FUT9: variants seen among roughly 807,000 people sequenced by gnomAD.
The protein encoded by FUT9 is fucosyltransferase 9, also known as 4-galactosyl-N-acetylglucosaminide 3-alpha-L-fucosyltransferase 9.
A neutral mutation model predicts 29.7 loss-of-function variants in FUT9; 15 were observed. The ratio of observed to expected loss-of-function variants is 0.51; its 90% confidence interval spans 0.34 to 0.78. The LOEUF (loss-of-function observed/expected upper bound fraction) is 0.78, where lower values mean the gene tolerates loss of function less well. Among genes scored for constraint, FUT9 ranks in the 30% least tolerant of loss-of-function variants. The pLI is 0.01. For missense variants in FUT9, 319 were observed against 425.4 expected (o/e 0.75, Z 2.20); for synonymous variants, 169 against 153.7 (o/e 1.10, Z -0.74).
chr6:96,067,609 A>G (rs1013144791), intron 1 of FUT9, among the ~76,000 whole-genome samples: 72 of 152,226 alleles, frequency 4.7e-4, no homozygotes, highest in Non-Finnish European at 4.4e-4. Context: ...GACCAGATTG[A>G]CAGGTCTTGG....
At chr6:96,032,705 C>T (rs1483411185) in intron 1 of FUT9, among the ~76,000 whole-genome samples, 5 of 151,466 alleles carry the variant, frequency 3.3e-5, no homozygotes, top group African/African-American at 1.2e-4. Context: ...ATTTCCTTTT[C>T]AGAACTCCCT....
At chr6:96,092,318 A>G (rs1354444668) in intron 1 of FUT9, among the ~76,000 whole-genome samples, 1 of 152,162 alleles carries the variant, frequency 6.6e-6, no homozygotes, top group East Asian at 1.9e-4. Context: ...TTATCCTATG[A>G]TACACTTGTG....
At chr6:96,028,814 T>A (rs1770211230) in intron 1 of FUT9, among the ~76,000 whole-genome samples, 2 of 151,612 alleles carry the variant, frequency 1.3e-5, no homozygotes, top group Admixed American at 1.3e-4. Flanking sequence ...CTAATTAGAA[T>A]CATACTTTCC....
At chr6:96,118,025 A>G (rs1771943750) in intron 2 of FUT9, among the ~76,000 whole-genome samples, 1 of 151,806 alleles carries the variant, frequency 6.6e-6, no homozygotes, top group South Asian at 2.1e-4. Flanking sequence ...GGCCAACACA[A>G]TGAAAACCCA....
chr6:96,203,963 C>T lies in FUT9; in HGVS notation c.808C>T (p.Leu270=), dbSNP rs750396405. ...AFLAGSVPVV[L]GPSRENYENY... ...TCTGGCTGGCTCTGTACCTGTTGTT[C>T]TGGGACCATCTAGGGAAAACTATGA... The change falls in exon 3 of 3, where the codon CTG becomes TTG. Residue 270 remains leucine (L), a synonymous_variant. Transcript: ENST00000302103. 146 of 1,613,460 alleles carry T rather than the reference C, an allele frequency of 9.0e-5. No homozygotes were observed. Among genetic ancestry groups the T allele is most frequent in the Middle Eastern group, 1.6e-4 (1 of 6,084 alleles).
chr6:96,173,156 T>C (rs552758205), intron 2 of FUT9, among the ~76,000 whole-genome samples: 1 of 152,186 alleles, frequency 6.6e-6, no homozygotes, highest in East Asian at 1.9e-4. Flanking sequence ...TCTCTGCTGA[T>C]TTTTCTTCAG....
At chr6:96,104,494 G>A (rs1771642137) in intron 1 of FUT9, among the ~76,000 whole-genome samples, 2 of 152,120 alleles carry the variant, frequency 1.3e-5, no homozygotes, top group Admixed American at 6.5e-5. Flanking sequence ...GAAAAATGTT[G>A]GCAGTAGAAA....
intron 1 of FUT9, among the ~76,000 whole-genome samples, chr6:96,042,610 T>G (rs114581000): frequency 2.6e-5 from 4 of 151,012 alleles, no homozygotes; most frequent in Non-Finnish European, 4.4e-5. Flanking sequence ...TTTACAGCTG[T>G]TTTTTTTAGT....
chr6:96,033,742 A>T (rs954921544), intron 1 of FUT9, among the ~76,000 whole-genome samples: 2 of 151,790 alleles, frequency 1.3e-5, no homozygotes, highest in Admixed American at 1.3e-4. Flanking sequence ...ATATACCAAA[A>T]TATAAATATT....
chr6:96,105,538 A>G lies in FUT9; in HGVS notation c.-97-8501A>G, dbSNP rs139984955. 3.1e-3 allele frequency among the ~76,000 whole-genome samples: 473 copies of G among 152,332 alleles called. 3 individuals are homozygous for G. Among genetic ancestry groups the G allele is most frequent in the Middle Eastern group, 0.014 (4 of 294 alleles). ...ATGTCTTCTTTGTTGATTACAAAATACATACTATGCTAAATTTTATCATTT... is the reference window on the plus strand; with the variant it reads ...ATGTCTTCTTTGTTGATTACAAAATGCATACTATGCTAAATTTTATCATTT... On this transcript the variant is annotated intron_variant, in intron 1 of 2. Coordinates refer to ENST00000302103, the MANE Select transcript of FUT9 (RefSeq NM_006581.4).
chr6:96,142,985 G>A (rs1772493171), intron 2 of FUT9, among the ~76,000 whole-genome samples: 1 of 152,062 alleles, frequency 6.6e-6, no homozygotes, highest in South Asian at 2.1e-4. Flanking sequence ...AAAGCCTGTG[G>A]TTTTGATAAG....
At chr6:96,073,286 T>C (rs1029565206) in intron 1 of FUT9, among the ~76,000 whole-genome samples, 12 of 151,740 alleles carry the variant, frequency 7.9e-5, no homozygotes, top group Non-Finnish European at 2.9e-5. Context: ...TCATCTCTAC[T>C]AAAAATACAA....
At chr6:96,090,412 T>C (rs1249168260) in intron 1 of FUT9, among the ~76,000 whole-genome samples, 3 of 152,182 alleles carry the variant, frequency 2.0e-5, no homozygotes, top group East Asian at 1.9e-4. Flanking sequence ...CTACAATTTA[T>C]ATATTTTAAA....
intron 1 of FUT9, among the ~76,000 whole-genome samples, chr6:96,055,756 G>A (rs893564013): frequency 4.7e-5 from 7 of 148,628 alleles, no homozygotes; most frequent in Admixed American, 2.0e-4. Context: ...TGTTGGCCAG[G>A]ATAGTCTCAA....
In FUT9 at chr6:96,208,693, T is replaced by C. The variant is rs1179745717; in HGVS notation, c.*4458T>C. ...AAAAGAAGTAACATCTCAAGAAAGA[T>C]TAGAAAGGATTTGGATCACGTTAAC... On this transcript the variant is annotated 3_prime_UTR_variant, in exon 3 of 3. Transcript: ENST00000302103. 3 of 166,738 alleles carry C rather than the reference T, an allele frequency of 1.8e-5. No individual in the cohort carries two copies. Among genetic ancestry groups the C allele is most frequent in the Non-Finnish European group, 4.4e-5 (3 of 67,996 alleles). The allele number at this position is 166,738 out of a possible 1,614,324, so 10.3% of individuals were successfully genotyped here.
intron 2 of FUT9, among the ~76,000 whole-genome samples, chr6:96,179,512 A>G (rs1391535838): frequency 6.6e-6 from 1 of 152,164 alleles, no homozygotes; most frequent in East Asian, 1.9e-4. Context: ...ATTATTCAAC[A>G]GGATTTATAT....
intron 1 of FUT9, among the ~76,000 whole-genome samples, chr6:96,094,621 C>T (rs1216357998): frequency 6.6e-6 from 1 of 152,052 alleles, no homozygotes; most frequent in East Asian, 1.9e-4. Flanking sequence ...TGGAATGTAT[C>T]TCTCATGGAT....
chr6:96,045,106 A>G (rs1770540323), intron 1 of FUT9, among the ~76,000 whole-genome samples: 1 of 152,186 alleles, frequency 6.6e-6, no homozygotes, highest in Non-Finnish European at 1.5e-5. Context: ...CATGCCACAG[A>G]TGAATCCTTC....
At chr6:96,083,094 C>G (rs6900000) in intron 1 of FUT9, among the ~76,000 whole-genome samples, 103,009 of 151,766 alleles carry the variant, frequency 0.68, 36,595 homozygotes, top group East Asian at 0.83. Context: ...TTTATATTTC[C>G]TTATTCTTTG....
Sources: allele counts gnomAD v4.1 joint callset (sites outside exome capture counted in the v4.1 genomes callset), GRCh38; gene constraint gnomAD v4.1.1; transcripts MANE v1.5; gene names NCBI Gene and HGNC (gene_info 2026-07-23, HGNC 2026-07-21).